Variants in RARB observed in about 807,000 individuals in gnomAD.
RARB encodes the protein HBV-activated protein.
In RARB, 17 loss-of-function variants were observed where a neutral mutation model predicts 51.9. That is an observed-to-expected ratio of 0.33 (90% CI 0.22 to 0.49). The LOEUF (loss-of-function observed/expected upper bound fraction) is 0.49, where lower values mean the gene tolerates loss of function less well. RARB is among the 20% of genes least tolerant of loss of function. The pLI is 0.99. For synonymous variants in RARB, 215 were observed against 195.4 expected (o/e 1.10, Z -0.84); for missense variants, 369 against 550.8 (o/e 0.67, Z 3.30).
At chr3:25,330,251 G>C (rs1261237458) in intron 5 of RARB, among the ~76,000 whole-genome samples, 1 of 152,030 alleles carries the variant, frequency 6.6e-6, no homozygotes, top group Non-Finnish European at 1.5e-5. Flanking sequence ...AAAGTGTTAA[G>C]GGCAGCCAGA....
rs144193176 is a variant in RARB at position 25,190,851 on chromosome 3, G to A, written c.178+16276G>A. On this transcript the variant is annotated intron_variant, in intron 5 of 11. Transcript: ENST00000383772. ...CCTGTCTAATCACTTGGGACTTGGA[G>A]TTTTTATGATGTTGCCAGATGTGCC... is the stretch of plus-strand genomic sequence containing the variant. Among the ~76,000 whole-genome samples the A allele has an allele frequency of 2.1e-3, 324 of 152,164 alleles. 1 individual carries two copies. Among genetic ancestry groups the A allele is most frequent in the Middle Eastern group, 6.8e-3 (2 of 294 alleles).
intron 2 of RARB, among the ~76,000 whole-genome samples, chr3:24,868,509 T>G (rs1702890993): frequency 6.6e-6 from 1 of 152,178 alleles, no homozygotes; most frequent in Non-Finnish European, 1.5e-5. Context: ...CTTAACCATC[T>G]GCATGGACTC....
intron 3 of RARB, among the ~76,000 whole-genome samples, chr3:25,131,604 A>G (rs1575174806): frequency 6.6e-6 from 1 of 152,098 alleles, no homozygotes; most frequent in East Asian, 1.9e-4. Context: ...AAACATATAT[A>G]CATATATTTG....
At chr3:25,086,110 A>C (rs1268696618) in intron 3 of RARB, among the ~76,000 whole-genome samples, 1 of 152,138 alleles carries the variant, frequency 6.6e-6, no homozygotes, top group Non-Finnish European at 1.5e-5. Flanking sequence ...AACATAATGG[A>C]GGTTCAGTCA....
chr3:25,178,632 A>G (rs996265885), intron 5 of RARB, among the ~76,000 whole-genome samples: 1 of 152,092 alleles, frequency 6.6e-6, no homozygotes, highest in Non-Finnish European at 1.5e-5. Context: ...TTTTTCCACG[A>G]TGTTCCAGGG....
intron 1 of RARB, among the ~76,000 whole-genome samples, chr3:24,853,580 AG>A (rs1418229296): frequency 1.3e-5 from 2 of 152,198 alleles, no homozygotes; most frequent in African/African-American, 4.8e-5. Flanking sequence ...TGAACACAAT[AG>A]AAAGTCCAGT....
intron 2 of RARB, among the ~76,000 whole-genome samples, chr3:25,485,936 T>C (rs1483353974): frequency 6.6e-6 from 1 of 152,170 alleles, no homozygotes; most frequent in Non-Finnish European, 1.5e-5. Context: ...TTGTGGAGTT[T>C]GGAGGGTAAG....
At chr3:25,056,940 C>G (rs918972654) in intron 2 of RARB, among the ~76,000 whole-genome samples, 2 of 152,136 alleles carry the variant, frequency 1.3e-5, no homozygotes, top group South Asian at 2.1e-4. Context: ...AATGACTAAG[C>G]CTTGAAGTAA....
chr3:25,081,582 T>TATAC (rs1242398172), intron 3 of RARB, among the ~76,000 whole-genome samples: 5 of 51,000 alleles, frequency 9.8e-5, no homozygotes, highest in African/African-American at 1.6e-4. Context: ...GTTTGCTTCA[T>TATAC]ATACATATAT....
At chr3:25,264,195 A>G (rs1703073416) in intron 5 of RARB, among the ~76,000 whole-genome samples, 2 of 152,198 alleles carry the variant, frequency 1.3e-5, no homozygotes, top group African/African-American at 4.8e-5. Flanking sequence ...ACTGAATTCA[A>G]AGCTCTTGCT....
Position 25,302,298 on chromosome 3 carries a change from C to T in RARB, c.178+127723C>T, listed in dbSNP as rs559665479. On this transcript the variant is annotated intron_variant, in intron 5 of 11. Coordinates refer to the RARB transcript ENST00000383772. ...TAGGATATACTCAAAGGAATGAAAA[C>T]ATGTTCACACAAAACCTAGAATGTG... Among the ~76,000 whole-genome samples the T allele has an allele frequency of 1.4e-4, 21 of 152,268 alleles. No homozygotes were observed. In the South Asian group the frequency reaches 4.4e-3, roughly 32 times the overall value.
intron 2 of RARB, among the ~76,000 whole-genome samples, chr3:25,030,714 T>C (rs1221342038): frequency 3.3e-5 from 5 of 152,178 alleles, no homozygotes; most frequent in East Asian, 3.9e-4. Context: ...CTGTGGAGAA[T>C]ACTGGGCCCT....
At chr3:25,005,784 C>T (rs1342634991) in intron 2 of RARB, among the ~76,000 whole-genome samples, 3 of 152,100 alleles carry the variant, frequency 2.0e-5, no homozygotes, top group African/African-American at 7.2e-5. Flanking sequence ...CCCACCCAGC[C>T]ATCAGAGAAA....
chr3:25,055,208 G>T (rs1698412180), intron 2 of RARB, among the ~76,000 whole-genome samples: 1 of 152,152 alleles, frequency 6.6e-6, no homozygotes, highest in Non-Finnish European at 1.5e-5. Context: ...ATTTGTATTT[G>T]TAAATTAATC....
At chr3:24,856,201 A>T (rs74672607) in intron 1 of RARB, among the ~76,000 whole-genome samples, 1 of 152,302 alleles carries the variant, frequency 6.6e-6, no homozygotes, top group East Asian at 1.9e-4. Context: ...ATAAAAATTC[A>T]TCCATGAGGC....
intron 5 of RARB, among the ~76,000 whole-genome samples, chr3:25,260,500 G>C (rs1220229985): frequency 6.6e-6 from 1 of 152,046 alleles, no homozygotes; most frequent in Non-Finnish European, 1.5e-5. Context: ...TCTCACACAA[G>C]ACAGGGACCC....
chr3:24,984,541 TA>T, intron 2 of RARB, among the ~76,000 whole-genome samples: 1 of 152,168 alleles, frequency 6.6e-6, no homozygotes, highest in East Asian at 1.9e-4. Context: ...ATGTGGGATC[TA>T]AAAAACCGAA....
At chr3:24,835,450 A>G (rs1370017346) in intron 1 of RARB, among the ~76,000 whole-genome samples, 1 of 152,186 alleles carries the variant, frequency 6.6e-6, no homozygotes, top group Admixed American at 6.5e-5. Flanking sequence ...AAATTAGAGT[A>G]ATGGCTTTTA....
intron 2 of RARB, among the ~76,000 whole-genome samples, chr3:25,049,484 G>T (rs551708220): frequency 2.9e-4 from 44 of 152,206 alleles, no homozygotes; most frequent in African/African-American, 1.1e-3. Context: ...TTCCAGTTGA[G>T]GTCCTTGTCA....
Sources: allele counts gnomAD v4.1 joint callset (sites outside exome capture counted in the v4.1 genomes callset), GRCh38; gene constraint gnomAD v4.1.1; transcripts MANE v1.5; gene names NCBI Gene and HGNC (gene_info 2026-07-23, HGNC 2026-07-21).